NFATC1: variants seen among roughly 807,000 people sequenced by gnomAD.
NFATC1 encodes the protein nuclear factor of activated T-cells, cytoplasmic 1.
In NFATC1, 22 loss-of-function variants were observed where a neutral mutation model predicts 76.0. The ratio of observed to expected loss-of-function variants is 0.29; its 90% CI spans 0.21 to 0.41. The LOEUF (loss-of-function observed/expected upper bound fraction) is 0.41. NFATC1 is among the 10% of genes least tolerant of loss of function. The probability of loss-of-function intolerance (pLI) is 1.00; values close to 1 mark genes in which losing one functional copy is unlikely to be tolerated. For missense variants in NFATC1, 1,357 were observed against 1,337.7 expected (o/e 1.01, Z -0.23); for synonymous variants, 704 against 613.1 (o/e 1.15, Z -2.19).
rs1047736160 is a variant in NFATC1 at position 79,527,762 on chromosome 18, G to T, written c.*185G>T. On this transcript the variant is annotated 3_prime_UTR_variant, in exon 10 of 10. Transcript: ENST00000427363. The stretch of plus-strand genomic sequence containing the variant: ...ACAAGAAGGAAAGCAGGGAGGAAGG[G>T]AGACCACTGTGTCACCTGGAGGAGA... 16 of 613,572 alleles carry T rather than the reference G, an allele frequency of 2.6e-5. No homozygotes were observed. The highest frequency in any genetic ancestry group is 7.5e-4 in the Middle Eastern group (2 of 2,656). 38.0% of individuals were successfully genotyped at this position (613,572 alleles called of 1,614,324 possible).
chr18:79,484,309 A>G (rs1297382178), intron 8 of NFATC1, among the ~76,000 whole-genome samples: 2 of 152,090 alleles, frequency 1.3e-5, no homozygotes, highest in Non-Finnish European at 2.9e-5. Context: ...GACCCTCAGC[A>G]GAGTGTGGCT....
chr18:79,458,419 G>A (rs911610124), intron 6 of NFATC1, among the ~76,000 whole-genome samples: 1 of 152,074 alleles, frequency 6.6e-6, no homozygotes. Context: ...AGCGGCCCTC[G>A]TGGCTTTCTT....
intron 6 of NFATC1, among the ~76,000 whole-genome samples, chr18:79,453,368 T>G (rs2087555580): frequency 6.6e-6 from 1 of 152,236 alleles, no homozygotes; most frequent in Admixed American, 6.5e-5. Flanking sequence ...GCTCCTGCCC[T>G]AGCCAAGTTA....
chr18:79,423,359 C>T (rs1024742848), intron 2 of NFATC1, among the ~76,000 whole-genome samples: 36 of 152,238 alleles, frequency 2.4e-4, no homozygotes, highest in African/African-American at 8.0e-4. Flanking sequence ...GCAGCTGTGG[C>T]ACTCCCTGTC....
chr18:79,433,523 G>A (rs1389672945), intron 2 of NFATC1, 56 bp from the exon 3 acceptor site: 4 of 1,603,968 alleles, frequency 2.5e-6, no homozygotes, highest in Non-Finnish European at 3.4e-6. Context: ...GGGCACGTGT[G>A]GCCCGGGCGA....
intron 8 of NFATC1, among the ~76,000 whole-genome samples, chr18:79,478,337 CCGGGAGCCAGGCCA>C (rs2089157927): frequency 6.6e-6 from 1 of 152,160 alleles, no homozygotes; most frequent in Admixed American, 6.5e-5. Flanking sequence ...CAGCTGTCCC[CCGGGAGCCAGGCCA>C]CACCAAGGCA....
intron 9 of NFATC1, among the ~76,000 whole-genome samples, chr18:79,489,627 C>T (rs560580281): frequency 2.6e-4 from 39 of 152,350 alleles, no homozygotes; most frequent in South Asian, 2.1e-4. Flanking sequence ...TCCCCAAACT[C>T]GGATCGAATG....
chr18:79,453,692 G>A (rs906271180), intron 6 of NFATC1, among the ~76,000 whole-genome samples: 3 of 152,236 alleles, frequency 2.0e-5, no homozygotes, highest in African/African-American at 7.2e-5. Flanking sequence ...GTATACAGCA[G>A]GTGAGCCATA....
intron 1 of NFATC1, among the ~76,000 whole-genome samples, chr18:79,409,084 C>G (rs1353718456): frequency 2.2e-5 from 2 of 90,306 alleles, no homozygotes; most frequent in African/African-American, 6.2e-5. Context: ...ATTCATCATC[C>G]ATCCATCCAT....
rs367658578 is a variant in NFATC1, at chr18:79,524,747, G to A, written c.2783-2781G>A. ...CCGACGGGAACCTGGGTGGCCGGGGGACACACCGAGGAACTTTCCGCCCCC... is the reference window on the plus strand; with the variant it reads ...CCGACGGGAACCTGGGTGGCCGGGGAACACACCGAGGAACTTTCCGCCCCC... On this transcript the variant is annotated intron_variant, in intron 9 of 9. Coordinates refer to ENST00000427363, the MANE Select transcript of NFATC1 (RefSeq NM_001278669.2). This position sits in a 1 kb window ranked among gnomAD's most constrained non-coding sequence, Gnocchi z 7.2. Among the ~76,000 whole-genome samples, 20 of 152,120 alleles carry A rather than the reference G, an allele frequency of 1.3e-4. 1 individual carries two copies. The South Asian group carries it at 3.1e-3, about 24-fold the overall frequency.
chr18:79,514,048 A>G (rs371811524), intron 9 of NFATC1, among the ~76,000 whole-genome samples: 3 of 152,238 alleles, frequency 2.0e-5, no homozygotes, highest in Non-Finnish European at 1.5e-5. Context: ...GCGGAGTGGC[A>G]GGTTCCTCCA....
At position 79,474,208 on chromosome 18, in the gene NFATC1, A is replaced by T. The variant is rs1242686272; in HGVS notation, c.2092+6626A>T. Among the ~76,000 whole-genome samples the T allele has an allele frequency of 8.4e-5, 2 of 23,808 alleles. 1 individual carries two copies. Among genetic ancestry groups the T allele is most frequent in the African/African-American group, 3.3e-4 (2 of 6,052 alleles). The allele number at this position is 23,808 out of a possible 152,430, so 15.6% of individuals were successfully genotyped here. On this transcript the variant is annotated intron_variant, in intron 8 of 9. Transcript: ENST00000427363. The stretch of plus-strand genomic sequence containing the variant: ...GTAAACCTGAGGGAAGCGTGTTCTC[A>T]TGCTCACTGTCGACGTAAACCTGAG...
chr18:79,396,656 G>A (rs2085015457), intron 1 of NFATC1, among the ~76,000 whole-genome samples: 1 of 152,226 alleles, frequency 6.6e-6, no homozygotes, highest in East Asian at 1.9e-4. Context: ...TTTGGGGACG[G>A]GCGAGGCTGG....
chr18:79,447,100 C>T (rs1771376965), intron 3 of NFATC1, among the ~76,000 whole-genome samples: 1 of 152,188 alleles, frequency 6.6e-6, no homozygotes, highest in Non-Finnish European at 1.5e-5. Flanking sequence ...TGGCCTCCTC[C>T]CTGGCGGGGC....
chr18:79,501,766 G>A lies in NFATC1; in HGVS notation c.2782+14829G>A, dbSNP rs1468573757. On this transcript the variant is annotated intron_variant, in intron 9 of 9. Transcript: ENST00000427363. ...AAATCAAGGAAAAATTCCTATCTACGATATAGCATTAAAAAGAATAAAATA... is the reference window on the plus strand; with the variant it reads ...AAATCAAGGAAAAATTCCTATCTACAATATAGCATTAAAAAGAATAAAATA... Among the ~76,000 whole-genome samples the A allele has an allele frequency of 6.6e-5, 10 of 152,126 alleles. No homozygotes were observed. In the East Asian group the frequency reaches 1.5e-3, roughly 23 times the overall value.
chr18:79,458,815 C>T lies in NFATC1; in HGVS notation c.1904-2496C>T, dbSNP rs79299663. Among the ~76,000 whole-genome samples the T allele has an allele frequency of 7.0e-3, 1,071 of 152,366 alleles. 30 individuals are homozygous for T. Among genetic ancestry groups the T allele is most frequent in the Admixed American group, 0.054 (821 of 15,304 alleles). On this transcript the variant is annotated intron_variant, in intron 6 of 9. Transcript: ENST00000427363. ...CTCTTGCCGGCGGGACGCGGCCCTGCGTCTCCTTTCCTGAGATGCGAGGTT... is the reference window on the plus strand; with the variant it reads ...CTCTTGCCGGCGGGACGCGGCCCTGTGTCTCCTTTCCTGAGATGCGAGGTT...
At chr18:79,471,826 C>T (rs944379213) in intron 8 of NFATC1, among the ~76,000 whole-genome samples, 4 of 152,220 alleles carry the variant, frequency 2.6e-5, no homozygotes, top group Admixed American at 6.5e-5. Context: ...GGGTCCTTCA[C>T]CAGGGGTGGG....
At chr18:79,504,321 C>T (rs189566217) in intron 9 of NFATC1, among the ~76,000 whole-genome samples, 1 of 152,274 alleles carries the variant, frequency 6.6e-6, no homozygotes, top group South Asian at 2.1e-4. Flanking sequence ...TACTTGAAAA[C>T]TTGGAGGCTG....
rs56333209 is a variant in NFATC1 at position 79,433,512 on chromosome 18, C to T, written c.1227-67C>T. On this transcript the variant is annotated intron_variant, in intron 2 of 9. Transcript: ENST00000427363. ...CACCCAAGATGGCGACGGGTGAGCA[C>T]GGGCACGTGTGGCCCGGGCGAGGTC... 2.8e-5 allele frequency: 44 copies of T among 1,593,806 alleles called. No individual in the cohort carries two copies. The East Asian group carries it at 5.1e-4, about 19-fold the overall frequency.
Sources: allele counts gnomAD v4.1 joint callset (sites outside exome capture counted in the v4.1 genomes callset), GRCh38; gene constraint gnomAD v4.1.1; non-coding constraint Gnocchi (gnomAD v3.1); transcripts MANE v1.5; gene names NCBI Gene and HGNC (gene_info 2026-07-23, HGNC 2026-07-21).